Variants in DPYD observed in about 807,000 individuals in gnomAD.
The protein encoded by DPYD is dihydropyrimidine dehydrogenase [NADP(+)].
In DPYD, 109 loss-of-function variants were observed where a neutral mutation model predicts 116.2. The observed-to-expected ratio is 0.94, with a 90% CI of 0.80 to 1.10. The LOEUF is 1.10. Ranked by LOEUF, DPYD falls within the 50% of genes least tolerant of loss-of-function variation. DPYD has a pLI of 0.00. For synonymous variants in DPYD, 440 were observed against 432.0 expected, an observed-to-expected ratio of 1.02 and a Z score of -0.23; for missense variants, 1,302 against 1,254.5, an observed-to-expected ratio of 1.04 and a Z score of -0.57.
intron 8 of DPYD, among the ~76,000 whole-genome samples, chr1:97,658,181 A>T (rs1250790073): frequency 6.6e-6 from 1 of 152,104 alleles, no homozygotes; most frequent in Non-Finnish European, 1.5e-5. Flanking sequence ...AATTAGTTTT[A>T]TGTTTTAGTT....
chr1:97,745,275 A>G (rs1020690251), intron 3 of DPYD, among the ~76,000 whole-genome samples: 1 of 152,044 alleles, frequency 6.6e-6, no homozygotes, highest in Non-Finnish European at 1.5e-5. Context: ...GCTGTGCACC[A>G]TTTGCCTTTT....
At chr1:97,119,182 T>C (rs369529507) in intron 20 of DPYD, among the ~76,000 whole-genome samples, 1 of 152,224 alleles carries the variant, frequency 6.6e-6, no homozygotes, top group African/African-American at 2.4e-5. Flanking sequence ...GTGCATTCTA[T>C]AATTCTGGCT....
At chr1:97,659,816 T>C (rs1480257070) in intron 8 of DPYD, among the ~76,000 whole-genome samples, 1 of 152,162 alleles carries the variant, frequency 6.6e-6, no homozygotes, top group African/African-American at 2.4e-5. Flanking sequence ...TGCTTTCTTT[T>C]GTTTCTTCAC....
intron 4 of DPYD, among the ~76,000 whole-genome samples, chr1:97,723,039 A>C (rs893995082): frequency 6.6e-6 from 1 of 151,644 alleles, no homozygotes; most frequent in African/African-American, 2.4e-5. Flanking sequence ...AAAAAAAGAA[A>C]CAATTAATAA....
At chr1:97,584,950 A>AATAATG (rs1487744088) in intron 10 of DPYD, among the ~76,000 whole-genome samples, 2 of 148,964 alleles carry the variant, frequency 1.3e-5, no homozygotes, top group Admixed American at 1.3e-4. Context: ...AAAGTATAAT[A>AATAATG]ATAATAATAA....
rs1300220534 is a variant in DPYD, at chr1:97,515,205, A to G, written c.1740+521T>C. ...ATACGTAGTTTATTTCCTACTAAGT[A>G]TAAGATGTCCACTTCTGGTTAAGTA... On this transcript the variant is annotated intron_variant, in intron 13 of 22. Transcript: ENST00000370192. Among the ~76,000 whole-genome samples the G allele has an allele frequency of 4.6e-5, 7 of 151,992 alleles. No individual in the cohort carries two copies. In the East Asian group the frequency reaches 1.4e-3, roughly 29 times the overall value.
intron 12 of DPYD, chr1:97,545,997 G>A (rs1650823914): frequency 7.4e-6 from 10 of 1,347,056 alleles, no homozygotes; most frequent in Non-Finnish European, 1.1e-5. Flanking sequence ...GGCTGTCCTT[G>A]GGAGTTTTCC....
At chr1:97,806,066 G>A (rs565539534) in intron 3 of DPYD, among the ~76,000 whole-genome samples, 1 of 151,794 alleles carries the variant, frequency 6.6e-6, no homozygotes, top group Non-Finnish European at 1.5e-5. Flanking sequence ...TGAAGAGCTA[G>A]ATAAATCTAC....
intron 8 of DPYD, among the ~76,000 whole-genome samples, chr1:97,616,741 T>A (rs756348638): frequency 6.6e-6 from 1 of 152,192 alleles, no homozygotes; most frequent in Non-Finnish European, 1.5e-5. Context: ...ACTTGTACAA[T>A]ATGAAACACA....
chr1:97,331,139 C>T (rs896922811), intron 16 of DPYD, among the ~76,000 whole-genome samples: 3 of 152,070 alleles, frequency 2.0e-5, no homozygotes, highest in African/African-American at 7.2e-5. Flanking sequence ...TTAGCCAAGT[C>T]ACTAGCTCAC....
intron 8 of DPYD, among the ~76,000 whole-genome samples, chr1:97,607,144 C>T (rs902531850): frequency 6.6e-6 from 1 of 151,792 alleles, no homozygotes; most frequent in African/African-American, 2.4e-5. Flanking sequence ...GAAAAAATAG[C>T]ACTTATACTA....
chr1:97,279,452 C>T (rs570279783), intron 18 of DPYD, among the ~76,000 whole-genome samples: 1 of 152,110 alleles, frequency 6.6e-6, no homozygotes, highest in Non-Finnish European at 1.5e-5. Context: ...TCCATCACAA[C>T]CCTGTGCAAT....
chr1:97,342,788 A>G (rs973832430), intron 16 of DPYD, among the ~76,000 whole-genome samples: 2 of 152,162 alleles, frequency 1.3e-5, no homozygotes, highest in African/African-American at 4.8e-5. Context: ...TCTGGCTTCA[A>G]GGATTTTGAA....
intron 14 of DPYD, among the ~76,000 whole-genome samples, chr1:97,418,210 A>C (rs931246592): frequency 6.6e-6 from 1 of 152,150 alleles, no homozygotes; most frequent in African/African-American, 2.4e-5. Flanking sequence ...ATTTATTTCC[A>C]CTACTTGCTT....
chr1:97,178,269 G>T (rs1170523275), intron 20 of DPYD, among the ~76,000 whole-genome samples: 1 of 152,220 alleles, frequency 6.6e-6, no homozygotes, highest in Middle Eastern at 3.4e-3. Flanking sequence ...GTGCAGAAAA[G>T]GAAGTGAAGA....
At chr1:97,828,258 A>T in intron 2 of DPYD, 62 bp from the exon 3 acceptor site, 1 of 1,483,852 alleles carries the variant, frequency 6.7e-7, no homozygotes, top group Non-Finnish European at 9.3e-7. Context: ...GTATCTATGC[A>T]GTTATGCAAA....
chr1:97,562,523 A>G (rs1236946484), intron 11 of DPYD, among the ~76,000 whole-genome samples: 1 of 152,170 alleles, frequency 6.6e-6, no homozygotes, highest in Non-Finnish European at 1.5e-5. Flanking sequence ...AAGAGGAAAA[A>G]AAGATTAGCA....
In DPYD at chr1:97,418,425, C is replaced by T. The variant is rs200403649; in HGVS notation, c.1905+31634G>A. Among the ~76,000 whole-genome samples, 15 of 151,894 alleles carry T rather than the reference C, an allele frequency of 9.9e-5. No homozygotes were observed. The East Asian group carries it at 1.4e-3, about 14-fold the overall frequency. ...AAGTGATTCTCCTGCGTCAGCCTCCCGAGTAACTAGGATTACAGGTGCCTG... is the reference window on the plus strand; with the variant it reads ...AAGTGATTCTCCTGCGTCAGCCTCCTGAGTAACTAGGATTACAGGTGCCTG... On this transcript the variant is annotated intron_variant, in intron 14 of 22. Coordinates refer to ENST00000370192, the MANE Select transcript of DPYD (RefSeq NM_000110.4).
At chr1:97,600,695 T>C (rs939413275) in intron 8 of DPYD, among the ~76,000 whole-genome samples, 1 of 152,176 alleles carries the variant, frequency 6.6e-6, no homozygotes. Context: ...TAAAGCTCTT[T>C]GCACAGATGT....
Sources: allele counts gnomAD v4.1 joint callset (sites outside exome capture counted in the v4.1 genomes callset), GRCh38; gene constraint gnomAD v4.1.1; transcripts MANE v1.5; gene names NCBI Gene and HGNC (gene_info 2026-07-23, HGNC 2026-07-21).